USP49: variants seen among roughly 807,000 people sequenced by gnomAD.
USP49 encodes ubiquitin carboxyl-terminal hydrolase 49.
Under a neutral mutation model 58.6 loss-of-function variants are expected in USP49, and 24 were observed. That is an observed-to-expected ratio of 0.41 (90% CI 0.30 to 0.58). The LOEUF is 0.58. Among genes scored for constraint, USP49 ranks in the 20% least tolerant of loss-of-function variants. The pLI is 0.30. For synonymous variants in USP49, 408 were observed against 365.1 expected, an observed-to-expected ratio of 1.12 and a Z score of -1.34; for missense variants, 703 against 866.1, an observed-to-expected ratio of 0.81 and a Z score of 2.36.
Position 41,809,677 on chromosome 6 carries a change from T to C in USP49, c.-28-2666A>G, listed in dbSNP as rs1773211021. ...CCAACTCTACTAAAAATACAAAAAATTAGCCAGGCGTGGTGGTGGGCGCCT... is the reference window on the plus strand; with the variant it reads ...CCAACTCTACTAAAAATACAAAAAACTAGCCAGGCGTGGTGGTGGGCGCCT... On this transcript the variant is annotated intron_variant, in intron 3 of 7. Transcript: ENST00000682992. Among the ~76,000 whole-genome samples the C allele has an allele frequency of 2.7e-5, 4 of 146,860 alleles. No homozygotes were observed. In the South Asian group the frequency reaches 8.6e-4, roughly 32 times the overall value.
chr6:41,838,197 C>G (rs1035487771), intron 3 of USP49, among the ~76,000 whole-genome samples: 5 of 152,174 alleles, frequency 3.3e-5, no homozygotes, highest in African/African-American at 1.2e-4. Flanking sequence ...GACATAGAAC[C>G]AATCTAAATG....
intron 4 of USP49, among the ~76,000 whole-genome samples, chr6:41,804,488 C>A (rs975821706): frequency 6.6e-6 from 1 of 152,178 alleles, no homozygotes; most frequent in Non-Finnish European, 1.5e-5. Context: ...GTCTGCAGAG[C>A]CTCAAAGTGC....
intron 3 of USP49, among the ~76,000 whole-genome samples, chr6:41,813,470 C>G (rs1216072683): frequency 3.9e-5 from 6 of 152,174 alleles, no homozygotes. Flanking sequence ...AAAAAATATG[C>G]TGGAACAACC....
At chr6:41,888,108 G>T (rs138404323) in intron 2 of USP49, among the ~76,000 whole-genome samples, 124 of 136,738 alleles carry the variant, frequency 9.1e-4, no homozygotes, top group African/African-American at 3.4e-3. Flanking sequence ...AGGCTGGAAT[G>T]GAGTGGCACA....
Position 41,794,809 on chromosome 6 carries a change from C to T in USP49, c.*1724G>A, listed in dbSNP as rs1772859984. The T allele has an allele frequency of 6.6e-6, 1 of 152,232 alleles. No individual in the cohort carries two copies. Among genetic ancestry groups the T allele is most frequent in the Non-Finnish European group, 1.5e-5 (1 of 68,040 alleles). 9.4% of individuals were successfully genotyped at this position (152,232 alleles called of 1,614,324 possible). A position where few individuals can be genotyped will look rare whatever the true frequency, so the allele number is the denominator to read the frequency against. ...TAAAAGCTAAATATTACAGAAACCT[C>T]ACAGTGTTGGAAAAAGCAAGTTTAA... On this transcript the variant is annotated 3_prime_UTR_variant, in exon 8 of 8. Coordinates refer to ENST00000682992, the MANE Select transcript of USP49 (RefSeq NM_001286554.2).
intron 3 of USP49, among the ~76,000 whole-genome samples, chr6:41,814,065 T>C (rs1773305903): frequency 6.6e-6 from 1 of 152,208 alleles, no homozygotes; most frequent in South Asian, 2.1e-4. Flanking sequence ...AAAATGTACA[T>C]CATCCAGTGT....
At position 41,798,947 on chromosome 6, in the gene USP49, G is replaced by A; in HGVS notation, c.1671-18C>T. The A allele has an allele frequency of 6.2e-7, 1 of 1,607,750 alleles. No individual in the cohort carries two copies. The highest frequency in any genetic ancestry group is 8.5e-7 in the Non-Finnish European group (1 of 1,177,008). On this transcript the variant is annotated intron_variant, in intron 6 of 7. Transcript: ENST00000682992. Reference sequence around the variant, plus strand: ...CAGACCACCTAGAACATGGATATAAGCTTGTTACTAGTAAAAACTGGCATA... The same window carrying A: ...CAGACCACCTAGAACATGGATATAAACTTGTTACTAGTAAAAACTGGCATA...
At chr6:41,800,083 C>G (rs1252276697) in intron 5 of USP49, 145 bp from the exon 6 acceptor site, 5 of 659,914 alleles carry the variant, frequency 7.6e-6, no homozygotes, top group Non-Finnish European at 1.4e-5. Context: ...ATGTGACACT[C>G]TTTATGACTG....
chr6:41,844,125 G>C (rs931247808), intron 3 of USP49, among the ~76,000 whole-genome samples: 1 of 151,972 alleles, frequency 6.6e-6, no homozygotes, highest in African/African-American at 2.4e-5. Flanking sequence ...GGAGACTGAA[G>C]CACAAGAACC....
chr6:41,829,930 TAAG>T (rs1390389540), intron 3 of USP49, among the ~76,000 whole-genome samples: 22 of 152,306 alleles, frequency 1.4e-4, no homozygotes, highest in African/African-American at 2.9e-4. Context: ...ATTAAGAAAA[TAAG>T]AAGAACTTCC....
At chr6:41,838,118 A>G (rs1448433165) in intron 3 of USP49, among the ~76,000 whole-genome samples, 2 of 152,254 alleles carry the variant, frequency 1.3e-5, no homozygotes, top group Non-Finnish European at 2.9e-5. Context: ...ACCCAAAGGA[A>G]TATAAATCAC....
chr6:41,877,752 G>C (rs962295436), intron 2 of USP49, among the ~76,000 whole-genome samples: 4 of 151,804 alleles, frequency 2.6e-5, no homozygotes, highest in African/African-American at 9.7e-5. Flanking sequence ...GTAGAAACAG[G>C]GTTTCACCAT....
chr6:41,838,780 T>C (rs761140274), intron 3 of USP49, among the ~76,000 whole-genome samples: 1 of 152,186 alleles, frequency 6.6e-6, no homozygotes, highest in Non-Finnish European at 1.5e-5. Context: ...AGAATATACA[T>C]TCTTTTATCA....
Position 41,796,350 on chromosome 6 carries a change from A to C in USP49, c.*183T>G, listed in dbSNP as rs1167780577. The C allele has an allele frequency of 1.9e-6, 1 of 533,632 alleles. No individual in the cohort carries two copies. The allele number at this position is 533,632 out of a possible 1,614,324, so 33.1% of individuals were successfully genotyped here. On this transcript the variant is annotated 3_prime_UTR_variant, in exon 8 of 8. Transcript: ENST00000682992. ...GTTTTTAGGAAAGGAGGGAACTCCC[A>C]AACTCATTCAAAAGAAAGAGACTAT...
intron 3 of USP49, among the ~76,000 whole-genome samples, chr6:41,836,857 GCACACACA>G (rs149924359): frequency 4.8e-5 from 7 of 146,610 alleles, no homozygotes; most frequent in Non-Finnish European, 9.1e-5. Flanking sequence ...ACACACACAC[GCACACACA>G]CACACACACA....
chr6:41,809,688 T>A (rs1403804239), intron 3 of USP49, among the ~76,000 whole-genome samples: 1 of 148,310 alleles, frequency 6.7e-6, no homozygotes, highest in Non-Finnish European at 1.5e-5. Flanking sequence ...TAGCCAGGCG[T>A]GGTGGTGGGC....
In USP49 at chr6:41,793,251, T is replaced by G. The variant is rs375843053; in HGVS notation, c.*3282A>C. 9.8e-5 allele frequency: 15 copies of G among 152,584 alleles called. No individual in the cohort carries two copies. Among genetic ancestry groups the G allele is most frequent in the East Asian group, 1.9e-4 (1 of 5,174 alleles). The allele number at this position is 152,584 out of a possible 1,614,324, so 9.5% of individuals were successfully genotyped here. A position where few individuals can be genotyped will look rare whatever the true frequency, so the allele number is the denominator to read the frequency against. On this transcript the variant is annotated 3_prime_UTR_variant, in exon 8 of 8. Transcript: ENST00000682992. ...AGAGACATCTGGAAATTCTTTTTTTTTTTTTGTTTTTGTTTTTGTTTTTTT... is the reference window on the plus strand; with the variant it reads ...AGAGACATCTGGAAATTCTTTTTTTGTTTTTGTTTTTGTTTTTGTTTTTTT...
chr6:41,851,498 A>G (rs1282901309), intron 3 of USP49, among the ~76,000 whole-genome samples: 3 of 152,226 alleles, frequency 2.0e-5, no homozygotes, highest in Non-Finnish European at 4.4e-5. Context: ...AATCATAAAG[A>G]CCATGTATGA....
intron 3 of USP49, among the ~76,000 whole-genome samples, chr6:41,824,787 T>C (rs915101789): frequency 3.9e-5 from 6 of 152,148 alleles, no homozygotes. Context: ...GAAAGCAGAA[T>C]CAGCCTTAGC....
Sources: allele counts gnomAD v4.1 joint callset (sites outside exome capture counted in the v4.1 genomes callset), GRCh38; gene constraint gnomAD v4.1.1; transcripts MANE v1.5; gene names NCBI Gene and HGNC (gene_info 2026-07-23, HGNC 2026-07-21).